EYS: variants seen among roughly 807,000 people sequenced by gnomAD.
EYS encodes the protein protein eyes shut homolog.
A neutral mutation model predicts 282.1 loss-of-function variants in EYS; 250 were observed. The ratio of observed to expected loss-of-function variants is 0.89; its 90% confidence interval spans 0.80 to 0.98. EYS has a LOEUF of 0.98. Ranked by LOEUF, EYS falls within the 50% of genes least tolerant of loss-of-function variation. The probability of loss-of-function intolerance (pLI) is 0.00; values close to 1 mark genes in which losing one functional copy is unlikely to be tolerated. For synonymous variants in EYS, 1,355 were observed against 1,282.9 expected (o/e 1.06, Z -1.20); for missense variants, 4,016 against 3,709.0 (o/e 1.08, Z -2.15).
intron 2 of EYS, among the ~76,000 whole-genome samples, chr6:65,565,244 CAA>C (rs765596305): frequency 1.2e-3 from 2 of 1,618 alleles, no homozygotes; most frequent in East Asian, 0.056. Flanking sequence ...GACTCCGTCT[CAA>C]AAAAAAAAAA....
chr6:64,101,592 C>T (rs936212346), intron 31 of EYS, among the ~76,000 whole-genome samples: 3 of 151,916 alleles, frequency 2.0e-5, no homozygotes, highest in Non-Finnish European at 4.4e-5. Context: ...TTAGGTTTAT[C>T]GGTATGTCTC....
chr6:64,382,826 T>C (rs927866646), intron 29 of EYS, among the ~76,000 whole-genome samples: 3 of 151,982 alleles, frequency 2.0e-5, no homozygotes, highest in Non-Finnish European at 2.9e-5. Flanking sequence ...CAGGAATACA[T>C]AGATGCAGAG....
intron 22 of EYS, among the ~76,000 whole-genome samples, chr6:64,678,299 C>T (rs919658808): frequency 1.3e-5 from 2 of 152,188 alleles, no homozygotes; most frequent in African/African-American, 4.8e-5. Flanking sequence ...GAGAATACGC[C>T]AGGTGCGGTG....
chr6:64,968,549 G>T (rs896509579), intron 14 of EYS, among the ~76,000 whole-genome samples: 1 of 151,858 alleles, frequency 6.6e-6, no homozygotes, highest in African/African-American at 2.4e-5. Flanking sequence ...TACCTGAGAG[G>T]GTCTGATTGC....
chr6:65,069,664 T>A (rs569924582), intron 12 of EYS, among the ~76,000 whole-genome samples: 2 of 151,944 alleles, frequency 1.3e-5, no homozygotes, highest in Non-Finnish European at 2.9e-5. Flanking sequence ...TCATGGGCTC[T>A]CTTTCTCCTC....
chr6:64,966,131 T>C (rs1455960486), intron 14 of EYS, among the ~76,000 whole-genome samples: 2 of 152,178 alleles, frequency 1.3e-5, no homozygotes, highest in Non-Finnish European at 2.9e-5. Context: ...GTTGATTTCT[T>C]ATGAGTGAAT....
intron 2 of EYS, among the ~76,000 whole-genome samples, chr6:65,580,156 AG>A (rs1764818530): frequency 1.3e-5 from 2 of 152,148 alleles, no homozygotes; most frequent in African/African-American, 4.8e-5. Context: ...ATCCTCAGGA[AG>A]GAACAGCCCA....
At chr6:64,722,123 G>T (rs1306396946) in intron 22 of EYS, among the ~76,000 whole-genome samples, 1 of 152,080 alleles carries the variant, frequency 6.6e-6, no homozygotes, top group African/African-American at 2.4e-5. Context: ...AGTTTGTGAT[G>T]CAGGGAAAAA....
At chr6:64,858,563 AT>A (rs545529241) in intron 19 of EYS, among the ~76,000 whole-genome samples, 6 of 152,014 alleles carry the variant, frequency 3.9e-5, no homozygotes, top group Middle Eastern at 3.4e-3. Flanking sequence ...GCCACTTAGG[AT>A]TTTTTTCCTA....
intron 14 of EYS, among the ~76,000 whole-genome samples, chr6:64,959,606 T>C (rs1226209112): frequency 6.6e-6 from 1 of 152,294 alleles, no homozygotes; most frequent in East Asian, 1.9e-4. Context: ...GAACATCTTA[T>C]CCAATTGGTC....
At chr6:64,568,039 G>T (rs754441100) in intron 26 of EYS, among the ~76,000 whole-genome samples, 1 of 152,178 alleles carries the variant, frequency 6.6e-6, no homozygotes, top group Non-Finnish European at 1.5e-5. Context: ...ATAGATTTGA[G>T]AATTCAGGAA....
At chr6:64,027,787 C>G (rs555875056) in intron 33 of EYS, among the ~76,000 whole-genome samples, 192 of 152,330 alleles carry the variant, frequency 1.3e-3, no homozygotes, top group Non-Finnish European at 2.1e-3. Flanking sequence ...ACAGAAGCCC[C>G]CAAACAGATG....
At chr6:65,674,794 T>A (rs1351157006) in intron 1 of EYS, among the ~76,000 whole-genome samples, 1 of 152,014 alleles carries the variant, frequency 6.6e-6, no homozygotes, top group Non-Finnish European at 1.5e-5. Context: ...TATTAAAGTA[T>A]ACAGCTTGGT....
At position 64,151,348 on chromosome 6, in the gene EYS, T is replaced by C. The variant is rs1368616214; in HGVS notation, c.6425-69346A>G. On this transcript the variant is annotated intron_variant, in intron 31 of 42. Coordinates refer to ENST00000503581, the MANE Select transcript of EYS (RefSeq NM_001142800.2). Reference sequence around the variant, plus strand: ...ATATATATATATATATATATATATATATATATATATATATAATTTTTTTTT... The same window carrying C: ...ATATATATATATATATATATATATACATATATATATATATAATTTTTTTTT... Among the ~76,000 whole-genome samples the C allele has an allele frequency of 3.3e-3, 390 of 117,378 alleles. 12 individuals are homozygous for C. Among genetic ancestry groups the C allele is most frequent in the Middle Eastern group, 0.012 (3 of 246 alleles). 77.0% of individuals were successfully genotyped at this position (117,378 alleles called of 152,430 possible). A position where few individuals can be genotyped will look rare whatever the true frequency, so the allele number is the denominator to read the frequency against.
intron 30 of EYS, among the ~76,000 whole-genome samples, chr6:64,302,981 G>A (rs1324858155): frequency 1.3e-5 from 2 of 151,990 alleles, no homozygotes; most frequent in South Asian, 2.1e-4. Context: ...ACCCAACCCA[G>A]TACCAGAAAT....
intron 28 of EYS, among the ~76,000 whole-genome samples, chr6:64,432,612 T>C (rs1224322455): frequency 1.3e-5 from 2 of 151,698 alleles, no homozygotes; most frequent in African/African-American, 4.8e-5. Flanking sequence ...AAAAACTTAA[T>C]ACAATACACA....
chr6:65,533,228 C>A (rs908327186), intron 2 of EYS, among the ~76,000 whole-genome samples: 1 of 151,882 alleles, frequency 6.6e-6, no homozygotes, highest in Non-Finnish European at 1.5e-5. Flanking sequence ...AACTAGAAAA[C>A]CTATAAGAAA....
chr6:64,465,522 G>A (rs1775888393), intron 26 of EYS, among the ~76,000 whole-genome samples: 1 of 152,086 alleles, frequency 6.6e-6, no homozygotes, highest in Non-Finnish European at 1.5e-5. Context: ...TTTATAAATG[G>A]TGTTGAGGAA....
chr6:65,562,192 A>T (rs1286806082), intron 2 of EYS, among the ~76,000 whole-genome samples: 1 of 152,042 alleles, frequency 6.6e-6, no homozygotes, highest in African/African-American at 2.4e-5. Context: ...AGGCAATTTG[A>T]CATTTTATAT....
Sources: allele counts gnomAD v4.1 joint callset (sites outside exome capture counted in the v4.1 genomes callset), GRCh38; gene constraint gnomAD v4.1.1; transcripts MANE v1.5; gene names NCBI Gene and HGNC (gene_info 2026-07-23, HGNC 2026-07-21).